Variants in GDF10 observed in about 807,000 individuals in gnomAD.
GDF10 encodes the protein growth differentiation factor 10.
Under a neutral mutation model 32.1 loss-of-function variants are expected in GDF10, and 23 were observed. That is an observed-to-expected ratio of 0.72 (90% CI 0.52 to 1.02). The LOEUF is 1.02. GDF10 is among the 50% of genes least tolerant of loss of function. The pLI, the probability that GDF10 is intolerant of heterozygous loss-of-function variation, is 0.00. For missense variants in GDF10, 764 were observed against 673.9 expected (o/e 1.13, Z -1.48); for synonymous variants, 328 against 303.1 (o/e 1.08, Z -0.85).
In GDF10 at chr10:47,310,103, C is replaced by G; in HGVS notation, c.627C>G (p.Ile209Met). 2 of 1,609,306 alleles carry G rather than the reference C, an allele frequency of 1.2e-6. No individual in the cohort carries two copies. Among genetic ancestry groups the G allele is most frequent in the Non-Finnish European group, 1.7e-6 (2 of 1,179,046 alleles). Residue 209 changes from isoleucine (I) to methionine (M), a missense_variant, in exon 2 of 3, where the codon ATC (isoleucine) becomes ATG (methionine). Coordinates refer to ENST00000580279, the MANE Select transcript of GDF10 (RefSeq NM_004962.5). ...GGCAGGCCAAGGACATCTCCCCCAT[C>G]GTCAAGGCGGCCCGCCGGGATGGCG... ...GLWQAKDISPIVKAARRDGEL... is the reference protein window; with the variant it reads ...GLWQAKDISPMVKAARRDGEL...
Position 47,312,069 on chromosome 10 carries a change from C to CA in GDF10, c.1246-524dup, listed in dbSNP as rs5784744. 7.8e-3 allele frequency among the ~76,000 whole-genome samples: 1,183 copies of CA among 151,730 alleles called. 28 individuals are homozygous for CA. Among genetic ancestry groups the CA allele is most frequent in the East Asian group, 0.059 (304 of 5,154 alleles). On this transcript the variant is annotated intron_variant, in intron 2 of 2. Transcript: ENST00000580279. ...CCACCCCATAAAATTGCTAAGCTGA[C>CA]AAAAAAAAGGGGGTGATGCAGGGAG...
chr10:47,310,342 G>T lies in GDF10; in HGVS notation c.866G>T (p.Arg289Leu), dbSNP rs782592939. ...AACAACTCAGCGGACCCCCGCGTGC[G>T]CCGAGCCGCGCAGGCCACTGGGCCC... ...APNNSADPRV[R>L]RAAQATGPLQ... Residue 289 changes from arginine to leucine, a missense_variant, in exon 2 of 3, where the codon CGC becomes CTC. By Grantham distance (102) the Arg-to-Leu change is moderately radical (BLOSUM62 -2). Coordinates refer to ENST00000580279, the MANE Select transcript of GDF10 (RefSeq NM_004962.5). The T allele has an allele frequency of 6.2e-7, 1 of 1,604,060 alleles. No individual in the cohort carries two copies. Among genetic ancestry groups the T allele is most frequent in the Non-Finnish European group, 8.5e-7 (1 of 1,176,154 alleles).
intron 2 of GDF10, 132 bp from the exon 3 acceptor site, chr10:47,312,469 T>A: frequency 2.1e-6 from 1 of 484,336 alleles, no homozygotes; most frequent in Non-Finnish European, 3.6e-6. Context: ...TTCCTCTAGG[T>A]GGATGCCTAT....
intron 2 of GDF10, among the ~76,000 whole-genome samples, chr10:47,312,398 C>T (rs564352340): frequency 7.9e-5 from 12 of 152,274 alleles, no homozygotes; most frequent in South Asian, 2.1e-4. Context: ...GACCTCAGCC[C>T]GGAACTCAGC....
chr10:47,305,557 G>A (rs1337913488), intron 1 of GDF10, among the ~76,000 whole-genome samples: 1 of 152,178 alleles, frequency 6.6e-6, no homozygotes, highest in Non-Finnish European at 1.5e-5. Flanking sequence ...ATGCATCTAA[G>A]CCCAGCGTTC....
Position 47,310,724 on chromosome 10 carries a change from A to T in GDF10, c.1245+3A>T. ...CATGTGAGTTCCCCATGCCTAAGGTAGGGTTTCTTCCGCCTTTTGCCAAAT... is the reference window on the plus strand; with the variant it reads ...CATGTGAGTTCCCCATGCCTAAGGTTGGGTTTCTTCCGCCTTTTGCCAAAT... On this transcript the variant is annotated splice_donor_region_variant and intron_variant, in intron 2 of 2. Transcript: ENST00000580279. The T allele has an allele frequency of 2.5e-6, 4 of 1,603,088 alleles. No individual in the cohort carries two copies. The highest frequency in any genetic ancestry group is 3.4e-6 in the Non-Finnish European group (4 of 1,170,086).
At chr10:47,304,886 C>G (rs1018056415) in intron 1 of GDF10, among the ~76,000 whole-genome samples, 3 of 152,198 alleles carry the variant, frequency 2.0e-5, no homozygotes, top group African/African-American at 7.2e-5. Context: ...CTTTGTCCTA[C>G]TGATATGCAA....
intron 1 of GDF10, among the ~76,000 whole-genome samples, chr10:47,307,276 G>A (rs1451948932): frequency 6.6e-6 from 1 of 152,152 alleles, no homozygotes; most frequent in Non-Finnish European, 1.5e-5. Context: ...GGAAAAGAGG[G>A]TGGATAGAAA....
chr10:47,310,708 T>G lies in GDF10; in HGVS notation c.1232T>G (p.Phe411Cys), dbSNP rs781791897. The change falls in exon 2 of 3, where the codon TTC (phenylalanine) becomes TGC (cysteine). Residue 411 changes from phenylalanine (F) to cysteine (C), a missense_variant. By Grantham distance (205) the Phe-to-Cys change is radical. Transcript: ENST00000580279. The stretch of plus-strand genomic sequence containing the variant: ...TACTACTGCGCGGGAGCATGTGAGT[T>G]CCCCATGCCTAAGGTAGGGTTTCTT... ...DAYYCAGACEFPMPKIVRPSN... is the reference protein window; with the variant it reads ...DAYYCAGACECPMPKIVRPSN... 6.2e-7 allele frequency: 1 copy of G among 1,609,444 alleles called. No homozygotes were observed. The highest frequency in any genetic ancestry group is 8.5e-7 in the Non-Finnish European group (1 of 1,175,792).
rs1555206690 is a variant in GDF10, at chr10:47,300,421, G to A, written c.-231G>A. On this transcript the variant is annotated 5_prime_UTR_variant, in exon 1 of 3. Transcript: ENST00000580279. The stretch of plus-strand genomic sequence containing the variant: ...GCTCGGCTCGGCTCTGCGCTGCTCC[G>A]GACGGCTGTGACCGCTGGCCGGGGG... 4.1e-6 allele frequency: 2 copies of A among 484,092 alleles called. No individual in the cohort carries two copies. Among genetic ancestry groups the A allele is most frequent in the East Asian group, 3.7e-5 (1 of 27,200 alleles). 30.0% of individuals were successfully genotyped at this position (484,092 alleles called of 1,614,324 possible). A position where few individuals can be genotyped will look rare whatever the true frequency, so the allele number is the denominator to read the frequency against.
In GDF10 at chr10:47,313,278, G is replaced by A. The variant is rs2061053689; in HGVS notation, c.*486G>A. On this transcript the variant is annotated 3_prime_UTR_variant, in exon 3 of 3. Coordinates refer to ENST00000580279, the MANE Select transcript of GDF10 (RefSeq NM_004962.5). Reference sequence around the variant, plus strand: ...GTTTCCTTTCAAAGTCCACTGCAGAGCTTTTATCCATATGGTATGCACATG... The same window carrying A: ...GTTTCCTTTCAAAGTCCACTGCAGAACTTTTATCCATATGGTATGCACATG... 6.6e-6 allele frequency: 1 copy of A among 152,316 alleles called. No homozygotes were observed. The highest frequency in any genetic ancestry group is 1.5e-5 in the Non-Finnish European group (1 of 68,162). 9.4% of individuals were successfully genotyped at this position (152,316 alleles called of 1,614,324 possible).
In GDF10 at chr10:47,309,904, C is replaced by G. The variant is rs1420254707; in HGVS notation, c.428C>G (p.Pro143Arg). Reference protein sequence around the residue: ...FHFYSEPPRWPRALEVLCKPR... With the variant: ...FHFYSEPPRWRRALEVLCKPR... Reference sequence around the variant, plus strand: ...TTCTACTCAGAGCCGCCTCGGTGGCCTCGAGCGCTCGAGGTGCTATGCAAG... The same window carrying G: ...TTCTACTCAGAGCCGCCTCGGTGGCGTCGAGCGCTCGAGGTGCTATGCAAG... Residue 143 changes from proline (P) to arginine (R), a missense_variant, in exon 2 of 3, where the codon CCT becomes CGT. Pro to Arg is a moderately radical substitution (Grantham distance 103). Coordinates refer to ENST00000580279, the MANE Select transcript of GDF10 (RefSeq NM_004962.5). 2 of 1,612,778 alleles carry G rather than the reference C, an allele frequency of 1.2e-6. No individual in the cohort carries two copies. Among genetic ancestry groups the G allele is most frequent in the Non-Finnish European group, 1.7e-6 (2 of 1,179,898 alleles).
At chr10:47,305,606 T>A (rs547697301) in intron 1 of GDF10, among the ~76,000 whole-genome samples, 2 of 152,208 alleles carry the variant, frequency 1.3e-5, no homozygotes, top group South Asian at 4.2e-4. Context: ...GGGCAGTGGG[T>A]GAAGGGACAG....
chr10:47,312,252 C>G (rs1227331276), intron 2 of GDF10, among the ~76,000 whole-genome samples: 4 of 152,208 alleles, frequency 2.6e-5, no homozygotes, highest in African/African-American at 9.6e-5. Context: ...GGTTTTCCCT[C>G]TGGGCAGCTT....
chr10:47,308,306 G>A (rs2061030451), intron 1 of GDF10, among the ~76,000 whole-genome samples: 1 of 152,190 alleles, frequency 6.6e-6, no homozygotes, highest in South Asian at 2.1e-4. Context: ...GAGACCCTGG[G>A]CTGCTGCTTA....
rs1212000908 is a variant in GDF10 at position 47,307,057 on chromosome 10, G to A, written c.320-2739G>A. ...GTGCTCTTTAAAACTGTGACATGAG[G>A]AGACACTGAAGACGGGTGTCATTGC... On this transcript the variant is annotated intron_variant, in intron 1 of 2. Transcript: ENST00000580279. 3.9e-5 allele frequency among the ~76,000 whole-genome samples: 6 copies of A among 152,084 alleles called. No homozygotes were observed. In the East Asian group the frequency reaches 1.2e-3, roughly 29 times the overall value.
intron 1 of GDF10, among the ~76,000 whole-genome samples, chr10:47,305,331 TACTC>T (rs782627995): frequency 6.6e-6 from 1 of 152,256 alleles, no homozygotes; most frequent in Non-Finnish European, 1.5e-5. Flanking sequence ...GAGGTGCAAA[TACTC>T]TATCCAGTTT....
At chr10:47,308,720 T>C (rs1052681681) in intron 1 of GDF10, among the ~76,000 whole-genome samples, 1 of 152,032 alleles carries the variant, frequency 6.6e-6, no homozygotes. Flanking sequence ...TGTCAGGAAA[T>C]GAAGCAGTGG....
Position 47,309,829 on chromosome 10 carries a change from ACCTGACTT to A in GDF10, c.356_363del (p.Leu119HisfsTer107). 1.2e-6 allele frequency: 2 copies of A among 1,612,332 alleles called. No homozygotes were observed. The highest frequency in any genetic ancestry group is 1.7e-6 in the Non-Finnish European group (2 of 1,179,398). On this transcript the variant is annotated frameshift_variant, in exon 2 of 3. Coordinates refer to ENST00000580279, the MANE Select transcript of GDF10 (RefSeq NM_004962.5). LOFTEE classifies it high-confidence loss of function. ...GACCAGAAGGCCGTGTATTTCTTCA[ACCTGACTT>A]CCATGCAAGACTCGGAAATGATCCT...
Sources: allele counts gnomAD v4.1 joint callset (sites outside exome capture counted in the v4.1 genomes callset), GRCh38; gene constraint gnomAD v4.1.1; transcripts MANE v1.5; gene names NCBI Gene and HGNC (gene_info 2026-07-23, HGNC 2026-07-21).